Variants in ACVR2B observed in about 807,000 individuals in gnomAD.
ACVR2B encodes activin receptor type-2B.
A neutral mutation model predicts 65.1 loss-of-function variants in ACVR2B; 18 were observed. The observed-to-expected ratio is 0.28, with a 90% CI of 0.19 to 0.41. The LOEUF (loss-of-function observed/expected upper bound fraction) is 0.41. ACVR2B is among the 10% of genes least tolerant of loss of function. ACVR2B has a pLI of 1.00. For missense variants in ACVR2B, 482 were observed against 682.7 expected, an observed-to-expected ratio of 0.71 and a Z score of 3.28; for synonymous variants, 298 against 277.7, an observed-to-expected ratio of 1.07 and a Z score of -0.73.
rs1177822892 is a variant in ACVR2B at position 38,487,845 on chromosome 3, T to A, written c.*4513T>A. 1 of 152,248 alleles carries A rather than the reference T, an allele frequency of 6.6e-6. No individual in the cohort carries two copies. Among genetic ancestry groups the A allele is most frequent in the Non-Finnish European group, 1.5e-5 (1 of 68,044 alleles). 9.4% of individuals were successfully genotyped at this position (152,248 alleles called of 1,614,324 possible). ...AGAACTTTATTTCACTAGAAAAATA[T>A]ACTAATTGGAAAGCAGTTTCCAGGA... On this transcript the variant is annotated 3_prime_UTR_variant, in exon 11 of 11. Transcript: ENST00000352511.
Position 38,482,278 on chromosome 3 carries a change from C to T in ACVR2B, c.1155C>T (p.Asp385=). The change falls in exon 9 of 11, where the codon GAC becomes GAT. Residue 385 remains aspartate, a synonymous_variant. Coordinates refer to ENST00000352511, the MANE Select transcript of ACVR2B (RefSeq NM_001106.4). The part of the protein sequence containing the change: ...NFQRDAFLRI[D]MYAMGLVLWE... ...AGAGAGATGCCTTCCTGCGCATTGA[C>T]ATGTATGCCATGGGGTTGGTGCTGT... is the stretch of plus-strand genomic sequence containing the variant. The T allele has an allele frequency of 7.4e-6, 12 of 1,613,056 alleles. No individual in the cohort carries two copies. Among genetic ancestry groups the T allele is most frequent in the Non-Finnish European group, 9.3e-6 (11 of 1,179,856 alleles).
At chr3:38,470,480 G>A (rs775256229) in intron 1 of ACVR2B, among the ~76,000 whole-genome samples, 20 of 152,154 alleles carry the variant, frequency 1.3e-4, no homozygotes, top group Non-Finnish European at 2.1e-4. Flanking sequence ...CAGGAAGAAA[G>A]ACAAAACATT....
intron 10 of ACVR2B, 111 bp downstream of exon 10, chr3:38,482,671 C>T (rs1323928061): frequency 1.8e-5 from 26 of 1,470,674 alleles, no homozygotes; most frequent in South Asian, 5.0e-5. Context: ...AAGTCTGCGA[C>T]GTTCCCTGGA....
intron 1 of ACVR2B, 49 bp downstream of exon 1, chr3:38,454,423 G>C (rs1709505892): frequency 8.1e-7 from 1 of 1,228,616 alleles, no homozygotes; most frequent in Non-Finnish European, 1.0e-6. Context: ...CGCGGGGCTG[G>C]CCTCTGGCGC....
intron 1 of ACVR2B, among the ~76,000 whole-genome samples, chr3:38,462,417 C>T (rs750633926): frequency 6.6e-6 from 1 of 152,210 alleles, no homozygotes; most frequent in East Asian, 1.9e-4. Context: ...CCATCCCCAG[C>T]AAGCCCTGTT....
At position 38,483,074 on chromosome 3, in the gene ACVR2B, A is replaced by AC; in HGVS notation, c.1345-64_1345-63insC. 1 of 1,589,882 alleles carries AC rather than the reference A, an allele frequency of 6.3e-7. No homozygotes were observed. Among genetic ancestry groups the AC allele is most frequent in the Non-Finnish European group, 8.6e-7 (1 of 1,158,782 alleles). On this transcript the variant is annotated intron_variant, in intron 10 of 10. Transcript: ENST00000352511. This position sits in a 1 kb window ranked among gnomAD's most constrained non-coding sequence, Gnocchi z 4.8. ...GGGAATATCAAGTTTACTGTCCCCC[A>AC]AAGCTTTTCCTCACTGAAGGGTCCT...
At chr3:38,458,843 G>T (rs1005777562) in intron 1 of ACVR2B, among the ~76,000 whole-genome samples, 1 of 152,106 alleles carries the variant, frequency 6.6e-6, no homozygotes, top group Admixed American at 6.5e-5. Flanking sequence ...GTAGAACAGG[G>T]TTTCTCAACC....
rs1235108377 is a variant in ACVR2B at position 38,485,815 on chromosome 3, A to C, written c.*2483A>C. ...TTCTTTAAGAAGCTTTAAAATATTTATTGAAAAGTGCCATATCTAATTTCT... is the reference window on the plus strand; with the variant it reads ...TTCTTTAAGAAGCTTTAAAATATTTCTTGAAAAGTGCCATATCTAATTTCT... On this transcript the variant is annotated 3_prime_UTR_variant, in exon 11 of 11. Transcript: ENST00000352511. 6.6e-6 allele frequency: 1 copy of C among 151,802 alleles called. No individual in the cohort carries two copies. The highest frequency in any genetic ancestry group is 1.5e-5 in the Non-Finnish European group (1 of 67,904). 9.4% of individuals were successfully genotyped at this position (151,802 alleles called of 1,614,324 possible). A position where few individuals can be genotyped will look rare whatever the true frequency, so the allele number is the denominator to read the frequency against.
chr3:38,476,885 C>T, intron 1 of ACVR2B: 1 of 315,340 alleles, frequency 3.2e-6, no homozygotes, highest in Admixed American at 4.5e-5. Context: ...TTTAAGGGGG[C>T]CTCTTCATCG....
intron 1 of ACVR2B, among the ~76,000 whole-genome samples, chr3:38,465,811 T>G (rs1200631794): frequency 6.6e-6 from 1 of 152,208 alleles, no homozygotes. Flanking sequence ...ATTCAAGAAG[T>G]CCTGTGAATC....
chr3:38,478,248 T>C lies in ACVR2B; in HGVS notation c.478T>C (p.Tyr160His). The change falls in exon 4 of 11, where the codon TAC (tyrosine) becomes CAC (histidine). Residue 160 changes from tyrosine to histidine, a missense_variant. By Grantham distance (83) the Tyr-to-His change is moderately conservative (BLOSUM62 2). Coordinates refer to ENST00000352511, the MANE Select transcript of ACVR2B (RefSeq NM_001106.4). The stretch of plus-strand genomic sequence containing the variant: ...CATCGTCCTGCTGGCCTTTTGGATG[T>C]ACCGGCATCGCAAGCCCCCCTACGG... Reference protein sequence around the residue: ...SLIVLLAFWMYRHRKPPYGHV... With the variant: ...SLIVLLAFWMHRHRKPPYGHV... 1 of 1,614,086 alleles carries C rather than the reference T, an allele frequency of 6.2e-7. No homozygotes were observed. Among genetic ancestry groups the C allele is most frequent in the Non-Finnish European group, 8.5e-7 (1 of 1,180,006 alleles).
Position 38,483,127 on chromosome 3 carries a change from ATGCTGCT to A in ACVR2B, c.1345-9_1345-3del. 6.2e-7 allele frequency: 1 copy of A among 1,614,098 alleles called. No individual in the cohort carries two copies. Among genetic ancestry groups the A allele is most frequent in the Non-Finnish European group, 8.5e-7 (1 of 1,179,978 alleles). On this transcript the variant is annotated splice_region_variant and splice_polypyrimidine_tract_variant and intron_variant, in intron 10 of 10. Coordinates refer to ENST00000352511, the MANE Select transcript of ACVR2B (RefSeq NM_001106.4). The surrounding 1 kb of genome is among the most constrained non-coding windows in gnomAD (Gnocchi z 4.8). ...CAAAGGTGTCTTTCCTGTCTGCCCTATGCTGCTTAGGGCCTGGCCCAGCTTTGTGTGA... is the reference window on the plus strand; with the variant it reads ...CAAAGGTGTCTTTCCTGTCTGCCCTATAGGGCCTGGCCCAGCTTTGTGTGA...
intron 1 of ACVR2B, among the ~76,000 whole-genome samples, chr3:38,461,816 C>T (rs1425380667): frequency 6.6e-6 from 1 of 152,182 alleles, no homozygotes; most frequent in Non-Finnish European, 1.5e-5. Flanking sequence ...TCCGAGGCCC[C>T]CTCCAAAGGT....
intron 1 of ACVR2B, among the ~76,000 whole-genome samples, chr3:38,459,212 T>A (rs775149623): frequency 6.6e-6 from 1 of 152,188 alleles, no homozygotes; most frequent in Non-Finnish European, 1.5e-5. Context: ...AGATTCCTGC[T>A]TAGTGAAATC....
chr3:38,456,774 C>T (rs1709557374), intron 1 of ACVR2B, among the ~76,000 whole-genome samples: 1 of 152,110 alleles, frequency 6.6e-6, no homozygotes, highest in Non-Finnish European at 1.5e-5. Flanking sequence ...ACCTGATGGC[C>T]CCACCCTCAT....
chr3:38,477,640 C>A lies in ACVR2B; in HGVS notation c.260+146C>A. ...TGGTAGCCATGGCCCCACGCCCTTC[C>A]ACACCCTATTTGTCCTACCTTAGCC... On this transcript the variant is annotated intron_variant, in intron 2 of 10. Transcript: ENST00000352511. This position sits in a 1 kb window ranked among gnomAD's most constrained non-coding sequence, Gnocchi z 6.7. 1 of 1,128,016 alleles carries A rather than the reference C, an allele frequency of 8.9e-7. No individual in the cohort carries two copies. The highest frequency in any genetic ancestry group is 1.3e-6 in the Non-Finnish European group (1 of 760,054). The allele number at this position is 1,128,016 out of a possible 1,614,324, so 69.9% of individuals were successfully genotyped here.
chr3:38,467,613 G>A (rs1304255854), intron 1 of ACVR2B, among the ~76,000 whole-genome samples: 1 of 151,952 alleles, frequency 6.6e-6, no homozygotes, highest in Admixed American at 6.6e-5. Context: ...AGCCGAGTGT[G>A]GTGGCATTGC....
Position 38,483,075 on chromosome 3 carries a change from A to C in ACVR2B, c.1345-63A>C, listed in dbSNP as rs554836729. The C allele has an allele frequency of 6.3e-7, 1 of 1,591,426 alleles. No homozygotes were observed. Among genetic ancestry groups the C allele is most frequent in the South Asian group, 1.1e-5 (1 of 90,562 alleles). On this transcript the variant is annotated intron_variant, in intron 10 of 10. Coordinates refer to ENST00000352511, the MANE Select transcript of ACVR2B (RefSeq NM_001106.4). The surrounding 1 kb of genome is among the most constrained non-coding windows in gnomAD (Gnocchi z 4.8). ...GGAATATCAAGTTTACTGTCCCCCA[A>C]AGCTTTTCCTCACTGAAGGGTCCTA...
intron 1 of ACVR2B, among the ~76,000 whole-genome samples, chr3:38,463,982 C>T (rs1244147887): frequency 6.6e-6 from 1 of 152,176 alleles, no homozygotes; most frequent in Non-Finnish European, 1.5e-5. Flanking sequence ...GATACCAGTC[C>T]TGTTGGACTG....
Sources: allele counts gnomAD v4.1 joint callset (sites outside exome capture counted in the v4.1 genomes callset), GRCh38; gene constraint gnomAD v4.1.1; non-coding constraint Gnocchi (gnomAD v3.1); transcripts MANE v1.5; gene names NCBI Gene and HGNC (gene_info 2026-07-23, HGNC 2026-07-21).